IMMP2L: variants seen among roughly 807,000 people sequenced by gnomAD.
The protein encoded by IMMP2L is mitochondrial inner membrane protease subunit 2.
A neutral mutation model predicts 19.3 loss-of-function variants in IMMP2L; 18 were observed. The ratio of observed to expected loss-of-function variants is 0.93; its 90% CI spans 0.64 to 1.38. The LOEUF is 1.38. Among genes scored for constraint, IMMP2L ranks in the 40% most tolerant of loss-of-function variants. The pLI, the probability that IMMP2L is intolerant of heterozygous loss-of-function variation, is 0.00. For missense variants in IMMP2L, 233 were observed against 218.2 expected, an observed-to-expected ratio of 1.07 and a Z score of -0.43; for synonymous variants, 76 against 73.0, an observed-to-expected ratio of 1.04 and a Z score of -0.21.
At chr7:111,554,586 T>C (rs547925361) in intron 1 of IMMP2L, among the ~76,000 whole-genome samples, 10 of 152,018 alleles carry the variant, frequency 6.6e-5, no homozygotes, top group African/African-American at 1.9e-4. Flanking sequence ...ATAGCACATA[T>C]TGTCCCTCAA....
At chr7:111,010,943 A>G (rs1824879228) in intron 3 of IMMP2L, among the ~76,000 whole-genome samples, 1 of 116,192 alleles carries the variant, frequency 8.6e-6, no homozygotes, top group Admixed American at 8.9e-5. Flanking sequence ...AGCTGGACAA[A>G]AAAAAAAAGG....
chr7:110,980,236 T>G (rs2129557890), intron 3 of IMMP2L, among the ~76,000 whole-genome samples: 1 of 142,030 alleles, frequency 7.0e-6, no homozygotes, highest in East Asian at 2.0e-4. Context: ...TCTTTTTTTT[T>G]TTTTTTTTTT....
chr7:110,891,541 C>T (rs1810800558), intron 4 of IMMP2L, among the ~76,000 whole-genome samples: 1 of 152,154 alleles, frequency 6.6e-6, no homozygotes, highest in Non-Finnish European at 1.5e-5. Context: ...GAAATACCCA[C>T]CTTAGTGAGT....
At chr7:111,074,360 A>C (rs2129575694) in intron 3 of IMMP2L, among the ~76,000 whole-genome samples, 1 of 152,330 alleles carries the variant, frequency 6.6e-6, no homozygotes, top group Middle Eastern at 3.4e-3. Flanking sequence ...TGCTTTTCAT[A>C]AACACCACAC....
At chr7:110,968,311 T>C (rs1052584627) in intron 3 of IMMP2L, among the ~76,000 whole-genome samples, 4 of 151,414 alleles carry the variant, frequency 2.6e-5, no homozygotes, top group South Asian at 2.1e-4. Flanking sequence ...GGAGACGTCA[T>C]ATAAATTTAT....
chr7:111,389,999 T>C (rs952874657), intron 3 of IMMP2L, among the ~76,000 whole-genome samples: 9 of 152,288 alleles, frequency 5.9e-5, no homozygotes, highest in South Asian at 4.1e-4. Flanking sequence ...ATTATAAATA[T>C]AAGGATAAAA....
chr7:111,370,116 T>A (rs564695125), intron 3 of IMMP2L, among the ~76,000 whole-genome samples: 2 of 152,116 alleles, frequency 1.3e-5, no homozygotes, highest in South Asian at 4.1e-4. Context: ...AGATCTGAGT[T>A]TAAACCCCAA....
chr7:111,242,331 CA>C (rs1441162691), intron 3 of IMMP2L, among the ~76,000 whole-genome samples: 2 of 152,122 alleles, frequency 1.3e-5, no homozygotes, highest in East Asian at 3.9e-4. Flanking sequence ...TTATTTATGA[CA>C]AAGCACTCCT....
At chr7:111,350,237 A>G (rs1420503332) in intron 3 of IMMP2L, among the ~76,000 whole-genome samples, 1 of 151,990 alleles carries the variant, frequency 6.6e-6, no homozygotes, top group Admixed American at 6.6e-5. Flanking sequence ...AAGTGCTGGG[A>G]TTATAGGCGT....
chr7:111,492,260 A>G (rs1477202581), intron 2 of IMMP2L: 5 of 344,406 alleles, frequency 1.5e-5, no homozygotes, highest in African/African-American at 6.7e-5. Context: ...AAGATTTTCA[A>G]AATTAACAAG....
At chr7:110,896,248 T>C (rs948818354) in intron 4 of IMMP2L, among the ~76,000 whole-genome samples, 2 of 152,180 alleles carry the variant, frequency 1.3e-5, no homozygotes, top group Non-Finnish European at 2.9e-5. Context: ...ATAGAAAAGA[T>C]AACTCCACAC....
intron 3 of IMMP2L, chr7:111,122,892 G>A (rs1227635590): frequency 6.2e-7 from 1 of 1,614,006 alleles, no homozygotes. Flanking sequence ...TCAGGCCTTG[G>A]TTTACACCCA....
intron 3 of IMMP2L, among the ~76,000 whole-genome samples, chr7:111,004,730 G>T (rs62464039): frequency 0.1 from 15,370 of 152,074 alleles, 842 homozygotes; most frequent in Middle Eastern, 0.2. Context: ...TGAGGCATGT[G>T]CTTCTGGTTG....
intron 3 of IMMP2L, among the ~76,000 whole-genome samples, chr7:111,203,750 A>C (rs1375071619): frequency 6.6e-6 from 1 of 152,088 alleles, no homozygotes; most frequent in Admixed American, 6.5e-5. Flanking sequence ...AATCAAAAAA[A>C]CAAAAAAGAT....
intron 3 of IMMP2L, among the ~76,000 whole-genome samples, chr7:111,230,958 G>A (rs2129624230): frequency 6.6e-6 from 1 of 151,708 alleles, no homozygotes; most frequent in South Asian, 2.1e-4. Context: ...TAATGGGAAG[G>A]GAGTGACATC....
intron 3 of IMMP2L, among the ~76,000 whole-genome samples, chr7:111,169,658 T>A (rs889750353): frequency 6.6e-6 from 1 of 151,908 alleles, no homozygotes; most frequent in Non-Finnish European, 1.5e-5. Context: ...GTACCCTGCT[T>A]TATAAGAACA....
At chr7:111,560,225 T>C (rs1791876105) in intron 1 of IMMP2L, among the ~76,000 whole-genome samples, 1 of 152,008 alleles carries the variant, frequency 6.6e-6, no homozygotes, top group African/African-American at 2.4e-5. Flanking sequence ...CCAGATTTAA[T>C]TCTAAATAAC....
intron 4 of IMMP2L, among the ~76,000 whole-genome samples, chr7:110,945,775 A>G (rs1296370099): frequency 1.3e-5 from 2 of 150,764 alleles, no homozygotes; most frequent in African/African-American, 4.8e-5. Flanking sequence ...TAAAGAAACA[A>G]TTAGGGTGGA....
intron 3 of IMMP2L, among the ~76,000 whole-genome samples, chr7:111,046,412 A>G (rs1792399360): frequency 6.6e-6 from 1 of 152,128 alleles, no homozygotes. Context: ...AGAGAAAGGG[A>G]AACAAAATTA....
Sources: allele counts gnomAD v4.1 joint callset (sites outside exome capture counted in the v4.1 genomes callset), GRCh38; gene constraint gnomAD v4.1.1; transcripts MANE v1.5; gene names NCBI Gene and HGNC (gene_info 2026-07-23, HGNC 2026-07-21).